The following FSTL5 variants were observed in gnomAD, a reference collection of about 807,000 sequenced individuals.
FSTL5 encodes follistatin like 5.
In FSTL5, 62 loss-of-function variants were observed where a neutral mutation model predicts 89.1. The observed-to-expected ratio is 0.70, with a 90% confidence interval of 0.57 to 0.86. The LOEUF is 0.86. Among genes scored for constraint, FSTL5 ranks in the 40% least tolerant of loss-of-function variants. The pLI is 0.00. For synonymous variants in FSTL5, 383 were observed against 346.2 expected (o/e 1.11, Z -1.18); for missense variants, 1,057 against 1,001.6 (o/e 1.06, Z -0.75).
At chr4:161,686,419 C>T (rs1304838667) in intron 6 of FSTL5, among the ~76,000 whole-genome samples, 2 of 126,260 alleles carry the variant, frequency 1.6e-5, no homozygotes, top group African/African-American at 3.0e-5. Flanking sequence ...AGTGCAGTGG[C>T]GCAATCTCAG....
At chr4:162,114,913 A>G (rs1731578220) in intron 1 of FSTL5, among the ~76,000 whole-genome samples, 1 of 152,164 alleles carries the variant, frequency 6.6e-6, no homozygotes, top group Non-Finnish European at 1.5e-5. Context: ...TTTCTCAGTA[A>G]TACAAAGTTA....
At chr4:161,445,729 C>T (rs1271788993) in intron 15 of FSTL5, among the ~76,000 whole-genome samples, 2 of 151,936 alleles carry the variant, frequency 1.3e-5, no homozygotes, top group African/African-American at 4.8e-5. Flanking sequence ...CTCCACATAT[C>T]TACTAATTTG....
intron 1 of FSTL5, among the ~76,000 whole-genome samples, chr4:162,113,579 G>C (rs1002527449): frequency 1.3e-5 from 2 of 152,114 alleles, no homozygotes; most frequent in African/African-American, 4.8e-5. Flanking sequence ...CCCTGACCTA[G>C]CTGACAAGTT....
At chr4:161,625,460 G>C (rs1735283199) in intron 7 of FSTL5, among the ~76,000 whole-genome samples, 1 of 152,000 alleles carries the variant, frequency 6.6e-6, no homozygotes, top group South Asian at 2.1e-4. Context: ...TGAACTACAT[G>C]CCTAAAATGT....
In FSTL5 at chr4:162,033,694, AG is replaced by A. The variant is rs1560982275; in HGVS notation, c.127-37del. The A allele has an allele frequency of 2.5e-6, 3 of 1,185,844 alleles. No homozygotes were observed. In the Admixed American group the frequency reaches 6.7e-5, roughly 27 times the overall value. 73.5% of individuals were successfully genotyped at this position (1,185,844 alleles called of 1,614,324 possible). On this transcript the variant is annotated intron_variant, in intron 2 of 15. Coordinates refer to ENST00000306100, the MANE Select transcript of FSTL5 (RefSeq NM_020116.5). Reference sequence around the variant, plus strand: ...AACAGAAAATAGGTCAAAATATGTAAGTAAATATGTGATCAACTGTTTCATA... The same window carrying A: ...AACAGAAAATAGGTCAAAATATGTAATAAATATGTGATCAACTGTTTCATA...
chr4:161,454,431 T>C (rs560044101), intron 15 of FSTL5, among the ~76,000 whole-genome samples: 1 of 152,202 alleles, frequency 6.6e-6, no homozygotes, highest in Non-Finnish European at 1.5e-5. Context: ...CCGCCTCTTG[T>C]AAATACATCA....
chr4:161,478,217 A>C (rs1259533983), intron 13 of FSTL5, among the ~76,000 whole-genome samples: 1 of 152,098 alleles, frequency 6.6e-6, no homozygotes, highest in Non-Finnish European at 1.5e-5. Context: ...AGAATGTATA[A>C]ATACAATTCT....
chr4:161,784,904 A>AAAAAAG (rs1362142393), intron 4 of FSTL5, among the ~76,000 whole-genome samples: 1 of 149,438 alleles, frequency 6.7e-6, no homozygotes, highest in African/African-American at 2.5e-5. Flanking sequence ...AAAAAAACAA[A>AAAAAAG]AACAAACAAA....
At chr4:162,113,647 C>A (rs529157944) in intron 1 of FSTL5, among the ~76,000 whole-genome samples, 216 of 152,324 alleles carry the variant, frequency 1.4e-3, no homozygotes, top group African/African-American at 5.0e-3. Context: ...TCCTGCGACA[C>A]TAAACTTCAT....
intron 14 of FSTL5, among the ~76,000 whole-genome samples, chr4:161,457,808 A>T (rs1338383117): frequency 6.6e-6 from 1 of 152,220 alleles, no homozygotes; most frequent in Non-Finnish European, 1.5e-5. Context: ...CTCAATTAAC[A>T]AGCACCTATT....
intron 8 of FSTL5, among the ~76,000 whole-genome samples, chr4:161,585,476 C>T (rs1464459710): frequency 6.7e-6 from 1 of 150,032 alleles, no homozygotes; most frequent in African/African-American, 2.5e-5. Context: ...ACTCTAAAAA[C>T]TACTAAGAAC....
chr4:161,412,190 G>C (rs1420363484), intron 15 of FSTL5, among the ~76,000 whole-genome samples: 1 of 151,966 alleles, frequency 6.6e-6, no homozygotes, highest in Non-Finnish European at 1.5e-5. Context: ...AATCAGAGAT[G>C]GCACAAATTA....
chr4:161,877,698 C>A (rs376602010), intron 4 of FSTL5, among the ~76,000 whole-genome samples: 2 of 151,628 alleles, frequency 1.3e-5, no homozygotes, highest in Non-Finnish European at 2.9e-5. Flanking sequence ...TTGTGGCGGG[C>A]CCCTGTAGTC....
chr4:162,006,178 T>C (rs550494058), intron 3 of FSTL5, among the ~76,000 whole-genome samples: 91 of 152,142 alleles, frequency 6.0e-4, no homozygotes, highest in Middle Eastern at 6.8e-3. Flanking sequence ...AAAAATTTAA[T>C]TTGCTTATGC....
chr4:161,757,521 G>A (rs1039812747), intron 6 of FSTL5, among the ~76,000 whole-genome samples: 1 of 152,032 alleles, frequency 6.6e-6, no homozygotes, highest in Non-Finnish European at 1.5e-5. Context: ...TCATAATTAG[G>A]TCAACATGAG....
chr4:162,070,218 G>C (rs1729553394), intron 2 of FSTL5, among the ~76,000 whole-genome samples: 1 of 151,580 alleles, frequency 6.6e-6, no homozygotes, highest in Non-Finnish European at 1.5e-5. Context: ...TTTGTTTGTT[G>C]TTTCTGTTAG....
intron 7 of FSTL5, among the ~76,000 whole-genome samples, chr4:161,619,271 T>C (rs1262690208): frequency 3.9e-5 from 6 of 152,094 alleles, no homozygotes; most frequent in South Asian, 4.1e-4. Context: ...ATTCAGGACA[T>C]AGGCATGGGC....
intron 13 of FSTL5, among the ~76,000 whole-genome samples, chr4:161,472,114 C>G (rs994017234): frequency 1.3e-5 from 2 of 151,862 alleles, no homozygotes; most frequent in Non-Finnish European, 2.9e-5. Flanking sequence ...GTAGCTGGGA[C>G]TACAGGTGCT....
intron 8 of FSTL5, among the ~76,000 whole-genome samples, chr4:161,576,130 T>C (rs1231066613): frequency 1.3e-5 from 2 of 152,084 alleles, no homozygotes; most frequent in Admixed American, 1.3e-4. Flanking sequence ...AAGGACCTCT[T>C]CAAGGAGAAC....
Sources: gnomAD v4.1 joint callset for allele counts (sites outside exome capture counted in the v4.1 genomes callset) on GRCh38, gnomAD v4.1.1 for gene constraint, MANE v1.5 for transcripts, NCBI Gene and HGNC (gene_info 2026-07-23, HGNC 2026-07-21) for gene names.